KPNB1: variants seen among roughly 807,000 people sequenced by gnomAD.
KPNB1 encodes karyopherin subunit beta 1.
KPNB1 carries 7 observed loss-of-function variants against 113.0 expected under a neutral mutation model. The observed-to-expected ratio is 0.06, with a 90% CI of 0.04 to 0.12. The LOEUF (loss-of-function observed/expected upper bound fraction) is 0.12. Ranked by LOEUF, KPNB1 falls within the 10% of genes least tolerant of loss-of-function variation. The probability of loss-of-function intolerance (pLI) is 1.00; values close to 1 mark genes in which losing one functional copy is unlikely to be tolerated. For synonymous variants in KPNB1, 363 were observed against 378.6 expected (o/e 0.96, Z 0.48); for missense variants, 400 against 1,054.8 (o/e 0.38, Z 8.60).
Position 47,656,347 on chromosome 17 carries a change from C to T in KPNB1, c.283-513C>T, listed in dbSNP as rs572464832. 2.6e-5 allele frequency among the ~76,000 whole-genome samples: 4 copies of T among 152,138 alleles called. No individual in the cohort carries two copies. The South Asian group carries it at 8.3e-4, about 31-fold the overall frequency. ...ACTTTGGGAGGCCAGGAATTTGAGA[C>T]CAGCCTGGGCAACATAGGGAGACCC... is the stretch of plus-strand genomic sequence containing the variant. On this transcript the variant is annotated intron_variant, in intron 3 of 21. Coordinates refer to ENST00000290158, the MANE Select transcript of KPNB1 (RefSeq NM_002265.6).
chr17:47,657,415 A>G (rs763256614), intron 4 of KPNB1, among the ~76,000 whole-genome samples: 23 of 152,348 alleles, frequency 1.5e-4, no homozygotes, highest in Non-Finnish European at 2.8e-4. Context: ...TTACAACATT[A>G]CGGAAAGTTT....
In KPNB1 at chr17:47,682,879, T is replaced by TG. The variant is rs1297806497; in HGVS notation, c.*476dup. On this transcript the variant is annotated 3_prime_UTR_variant, in exon 22 of 22. Coordinates refer to ENST00000290158, the MANE Select transcript of KPNB1 (RefSeq NM_002265.6). ...GCCTGGGTCTCAAGCCCACCTTCGC[T>TG]GTACCTTTGCCACATGGTACTGTAT... 5.5e-6 allele frequency: 1 copy of TG among 182,444 alleles called. No homozygotes were observed. Among genetic ancestry groups the TG allele is most frequent in the African/African-American group, 2.4e-5 (1 of 41,826 alleles). 11.3% of individuals were successfully genotyped at this position (182,444 alleles called of 1,614,324 possible).
chr17:47,655,576 A>G (rs893144120), intron 3 of KPNB1, among the ~76,000 whole-genome samples: 10 of 151,568 alleles, frequency 6.6e-5, no homozygotes, highest in Non-Finnish European at 1.5e-4. Flanking sequence ...TTAGAAGGAA[A>G]AAGTTTTGTT....
In KPNB1 at chr17:47,650,291, C is replaced by T; in HGVS notation, c.40+7C>T. 6.2e-7 allele frequency: 1 copy of T among 1,605,110 alleles called. No individual in the cohort carries two copies. The highest frequency in any genetic ancestry group is 2.3e-5 in the East Asian group (1 of 44,402). ...GAGAAGACCGTGTCTCCCGGTAGGA[C>T]GCAGGAGCCGGGGGTAGGGCTGAGG... On this transcript the variant is annotated splice_region_variant and intron_variant, in intron 1 of 21. Transcript: ENST00000290158.
intron 5 of KPNB1, among the ~76,000 whole-genome samples, chr17:47,659,192 C>T (rs2030009148): frequency 6.6e-6 from 1 of 151,668 alleles, no homozygotes; most frequent in South Asian, 2.1e-4. Context: ...ACTAAAAATA[C>T]AAAAAAATTA....
At chr17:47,654,893 C>A (rs994949322) in intron 3 of KPNB1, among the ~76,000 whole-genome samples, 1 of 152,170 alleles carries the variant, frequency 6.6e-6, no homozygotes, top group Non-Finnish European at 1.5e-5. Flanking sequence ...CTCATTCCCT[C>A]GTGTCTTTGA....
rs1343067065 is a variant in KPNB1, at chr17:47,682,823, C to G, written c.*419C>G. ...TGTGGTGCTTTGTTGTAAAAGGCAGCCTGGCCTTTGCTACTGAGGAGAAAG... is the reference window on the plus strand; with the variant it reads ...TGTGGTGCTTTGTTGTAAAAGGCAGGCTGGCCTTTGCTACTGAGGAGAAAG... On this transcript the variant is annotated 3_prime_UTR_variant, in exon 22 of 22. Transcript: ENST00000290158. 4.8e-6 allele frequency: 1 copy of G among 209,784 alleles called. No homozygotes were observed. The highest frequency in any genetic ancestry group is 1.2e-4 in the East Asian group (1 of 8,046). 13.0% of individuals were successfully genotyped at this position (209,784 alleles called of 1,614,324 possible). A position where few individuals can be genotyped will look rare whatever the true frequency, so the allele number is the denominator to read the frequency against.
At position 47,668,259 on chromosome 17, in the gene KPNB1, G is replaced by A; in HGVS notation, c.1073G>A (p.Cys358Tyr). ...GTGTGCCTCATGCTTCTGGCCACCT[G>A]CTGTGAAGATGACATTGTCCCACAT... ...AGVCLMLLAT[C>Y]CEDDIVPHVL... Residue 358 changes from cysteine (C) to tyrosine (Y), a missense_variant, in exon 10 of 22, where the codon TGC becomes TAC. By Grantham distance (194) the Cys-to-Tyr change is radical. This residue lies in a region of KPNB1 where 285 missense variants were observed against 627.0 expected (regional missense o/e 0.45). Coordinates refer to ENST00000290158, the MANE Select transcript of KPNB1 (RefSeq NM_002265.6). The A allele has an allele frequency of 6.2e-7, 1 of 1,614,144 alleles. No homozygotes were observed. The highest frequency in any genetic ancestry group is 8.5e-7 in the Non-Finnish European group (1 of 1,180,038).
chr17:47,677,894 G>A, intron 17 of KPNB1, 152 bp from the exon 18 acceptor site: 1 of 698,740 alleles, frequency 1.4e-6, no homozygotes, highest in Non-Finnish European at 2.4e-6. Context: ...TCTTAGAGTT[G>A]GTGTGAGGTG....
chr17:47,684,384 G>C lies in KPNB1; in HGVS notation c.*1980G>C. 6.6e-6 allele frequency: 1 copy of C among 151,740 alleles called. No individual in the cohort carries two copies. Among genetic ancestry groups the C allele is most frequent in the Non-Finnish European group, 1.5e-5 (1 of 67,982 alleles). 9.4% of individuals were successfully genotyped at this position (151,740 alleles called of 1,614,324 possible). On this transcript the variant is annotated 3_prime_UTR_variant, in exon 22 of 22. Coordinates refer to ENST00000290158, the MANE Select transcript of KPNB1 (RefSeq NM_002265.6). ...AAATCCAGGTATTTGAAGGAGAGAC[G>C]CTCCATTGTGAATAAAGAGCTCATA... is the stretch of plus-strand genomic sequence containing the variant.
At chr17:47,670,921 G>GC in intron 12 of KPNB1, 89 bp downstream of exon 12, 1 of 1,184,828 alleles carries the variant, frequency 8.4e-7, no homozygotes, top group Non-Finnish European at 1.2e-6. Flanking sequence ...AATCATAGAA[G>GC]CATAATGAGA....
At chr17:47,671,441 A>G (rs2030443484) in intron 12 of KPNB1, among the ~76,000 whole-genome samples, 1 of 152,188 alleles carries the variant, frequency 6.6e-6, no homozygotes, top group Non-Finnish European at 1.5e-5. Flanking sequence ...TTGACAGTTA[A>G]CAGGAGTATT....
At chr17:47,665,676 A>G (rs2030245424) in intron 9 of KPNB1, among the ~76,000 whole-genome samples, 1 of 152,238 alleles carries the variant, frequency 6.6e-6, no homozygotes, top group Non-Finnish European at 1.5e-5. Flanking sequence ...AAGATTCAGG[A>G]TGAAAGTAAA....
At chr17:47,666,484 ATT>A (rs983381150) in intron 9 of KPNB1, among the ~76,000 whole-genome samples, 25 of 144,250 alleles carry the variant, frequency 1.7e-4, no homozygotes, top group Non-Finnish European at 3.6e-4. Flanking sequence ...AATGTTATAT[ATT>A]ATATATTTTA....
At chr17:47,661,241 A>G (rs1362734567) in intron 6 of KPNB1, 63 bp downstream of exon 6, 2 of 1,210,522 alleles carry the variant, frequency 1.7e-6, no homozygotes, top group African/African-American at 1.5e-5. Flanking sequence ...CAAATCTAAT[A>G]TAAGTTTGAA....
intron 18 of KPNB1, 35 bp from the exon 19 acceptor site, chr17:47,678,273 A>G (rs1322508134): frequency 1.2e-6 from 2 of 1,608,206 alleles, no homozygotes; most frequent in Non-Finnish European, 1.7e-6. Flanking sequence ...AAAAGTGATC[A>G]GTGTGATGTA....
At chr17:47,671,824 G>C (rs1169729589) in intron 12 of KPNB1, 1 of 152,108 alleles carries the variant, frequency 6.6e-6, no homozygotes, top group African/African-American at 2.4e-5. Flanking sequence ...ACCATGCCCG[G>C]CCAACTACCA....
At chr17:47,682,267 A>T in intron 21 of KPNB1, 137 bp from the exon 22 acceptor site, 1 of 722,938 alleles carries the variant, frequency 1.4e-6, no homozygotes, top group Non-Finnish European at 2.6e-6. Flanking sequence ...ATAGGACAAG[A>T]AGAAAGAGTG....
chr17:47,661,614 T>G (rs2030099539), intron 6 of KPNB1, among the ~76,000 whole-genome samples: 1 of 151,894 alleles, frequency 6.6e-6, no homozygotes, highest in Middle Eastern at 3.4e-3. Context: ...ATAAAAACAT[T>G]AGAGAAGAGG....
Sources: allele counts gnomAD v4.1 joint callset (sites outside exome capture counted in the v4.1 genomes callset), GRCh38; gene constraint gnomAD v4.1.1; regional missense constraint gnomAD v4.1.1; transcripts MANE v1.5; gene names NCBI Gene and HGNC (gene_info 2026-07-23, HGNC 2026-07-21).